The following TNNT2 variants were observed in gnomAD, a reference collection of about 807,000 sequenced individuals.
TNNT2 encodes troponin T, cardiac muscle.
TNNT2 carries 34 observed loss-of-function variants against 62.4 expected under a neutral mutation model. The ratio of observed to expected loss-of-function variants is 0.54; its 90% CI spans 0.41 to 0.72. The LOEUF is 0.72. TNNT2 is among the 30% of genes least tolerant of loss of function. The probability of loss-of-function intolerance (pLI) is 0.00; values close to 1 mark genes in which losing one functional copy is unlikely to be tolerated. For missense variants in TNNT2, 275 were observed against 381.9 expected (o/e 0.72, Z 2.33); for synonymous variants, 123 against 127.2 (o/e 0.97, Z 0.22).
chr1:201,376,169 G>A (rs1425666287), intron 1 of TNNT2, among the ~76,000 whole-genome samples: 1 of 152,166 alleles, frequency 6.6e-6, no homozygotes, highest in Non-Finnish European at 1.5e-5. Context: ...TGCATTCATA[G>A]CCAACACGTG....
intron 8 of TNNT2, chr1:201,366,003 G>C: frequency 8.2e-7 from 1 of 1,214,506 alleles, no homozygotes; most frequent in Non-Finnish European, 1.0e-6. Context: ...AAGAAGCTGT[G>C]ACAAGATGCC....
intron 9 of TNNT2, 115 bp from the exon 10 acceptor site, chr1:201,365,422 C>T: frequency 8.2e-7 from 1 of 1,217,294 alleles, no homozygotes; most frequent in Non-Finnish European, 1.2e-6. Flanking sequence ...GGCCTGGCGC[C>T]TGGCCAGGGA....
rs1486862820 is a variant in TNNT2, at chr1:201,363,339, T to G, written c.557A>C (p.Lys186Thr). 5 of 1,614,180 alleles carry G rather than the reference T, an allele frequency of 3.1e-6. No individual in the cohort carries two copies. Among genetic ancestry groups the G allele is most frequent in the African/African-American group, 1.3e-5 (1 of 75,050 alleles). ...RKAEDEARKKKALSNMMHFGG... is the reference protein window; with the variant it reads ...RKAEDEARKKTALSNMMHFGG... ...AAAATGCATCATGTTGGACAAAGCCTTCTTCTTCCGGGCCTCATCCTCAGC... is the reference window on the plus strand; with the variant it reads ...AAAATGCATCATGTTGGACAAAGCCGTCTTCTTCCGGGCCTCATCCTCAGC... Residue 186 changes from lysine to threonine, a missense_variant, in exon 12 of 17, where the codon AAG (lysine) becomes ACG (threonine). Lys to Thr is a moderately conservative substitution (Grantham distance 78). Transcript: ENST00000656932.
chr1:201,368,551 A>G, intron 5 of TNNT2: 1 of 480,544 alleles, frequency 2.1e-6, no homozygotes, highest in South Asian at 1.6e-5. Context: ...AGGTGTCCAG[A>G]AGCTCCTGTC....
chr1:201,367,480 C>G (rs1368737307), intron 7 of TNNT2: 4 of 569,210 alleles, frequency 7.0e-6, no homozygotes, highest in Non-Finnish European at 1.3e-5. Flanking sequence ...GCTCTAGGAG[C>G]TTCATGTGTG....
chr1:201,366,775 C>G, intron 8 of TNNT2, 63 bp downstream of exon 8: 22 of 1,613,538 alleles, frequency 1.4e-5, no homozygotes, highest in Non-Finnish European at 1.8e-5. Context: ...GCACCCCGTT[C>G]CATCATCATC....
chr1:201,368,341 T>C (rs753838494), intron 5 of TNNT2, 114 bp from the exon 6 acceptor site: 2 of 1,116,034 alleles, frequency 1.8e-6, no homozygotes, highest in African/African-American at 1.5e-5. Context: ...GACGTCTAGG[T>C]CCAGATGAAT....
At chr1:201,375,461 C>T (rs1165420725) in intron 1 of TNNT2, 1 of 152,160 alleles carries the variant, frequency 6.6e-6, no homozygotes, top group Non-Finnish European at 1.5e-5. Context: ...CCCCAACCCC[C>T]AGGGTGGGGT....
rs1214330124 is a variant in TNNT2 at position 201,362,494 on chromosome 1, G to A, written c.601-100C>T. The A allele has an allele frequency of 2.7e-6, 4 of 1,456,906 alleles. No homozygotes were observed. The Admixed American group carries it at 5.7e-5, about 21-fold the overall frequency. The allele number at this position is 1,456,906 out of a possible 1,614,324, so 90.2% of individuals were successfully genotyped here. On this transcript the variant is annotated intron_variant, in intron 12 of 16. Coordinates refer to ENST00000656932, the MANE Select transcript of TNNT2 (RefSeq NM_001276345.2). ...GGAAGACAAAGGCAAGGAGAGACAT[G>A]GAAGAGAAGATTCAGATACTCGCTG...
At chr1:201,359,536 G>A in intron 16 of TNNT2, 87 bp downstream of exon 16, 1 of 1,341,870 alleles carries the variant, frequency 7.5e-7, no homozygotes, top group Non-Finnish European at 1.0e-6. Context: ...GGGAGCCTGG[G>A]GCCCTCCAAG....
chr1:201,372,087 G>A (rs1287638526), intron 3 of TNNT2, 46 bp from the exon 4 acceptor site: 2 of 1,613,952 alleles, frequency 1.2e-6, no homozygotes, highest in African/African-American at 1.3e-5. Context: ...GAGAAGAGGT[G>A]GGTCAGTTTC....
At chr1:201,366,235 G>GA (rs1174035994) in intron 8 of TNNT2, 2 of 1,027,274 alleles carry the variant, frequency 1.9e-6, no homozygotes, top group Non-Finnish European at 2.3e-6. Flanking sequence ...ATGGATCTGG[G>GA]ATGTCTTGGG....
rs12031426 is a variant in TNNT2, at chr1:201,376,177, G to A, written c.-15+1446C>T. On this transcript the variant is annotated intron_variant, in intron 1 of 16. Transcript: ENST00000656932. The stretch of plus-strand genomic sequence containing the variant: ...AGCCTAATGCATTCATAGCCAACAC[G>A]TGTTGGAAGCCTAACACGTTCACAG... Among the ~76,000 whole-genome samples the A allele has an allele frequency of 5.3e-5, 8 of 152,312 alleles. No individual in the cohort carries two copies. The East Asian group carries it at 1.3e-3, about 26-fold the overall frequency.
chr1:201,362,266 T>A, intron 13 of TNNT2, 120 bp downstream of exon 13: 1 of 1,507,352 alleles, frequency 6.6e-7, no homozygotes, highest in Middle Eastern at 2.2e-4. Flanking sequence ...TCTCACCAGC[T>A]TCCCCCCTCC....
intron 6 of TNNT2, 105 bp downstream of exon 6, chr1:201,368,057 T>C (rs1299758326): frequency 8.4e-7 from 1 of 1,188,480 alleles, no homozygotes; most frequent in African/African-American, 1.5e-5. Flanking sequence ...GAGAGTCAGG[T>C]GCACATGGGA....
Position 201,361,894 on chromosome 1 carries a change from C to A in TNNT2, c.719+19G>T. The A allele has an allele frequency of 6.2e-7, 1 of 1,610,644 alleles. No individual in the cohort carries two copies. The highest frequency in any genetic ancestry group is 1.3e-5 in the African/African-American group (1 of 74,972). On this transcript the variant is annotated intron_variant, in intron 14 of 16. Transcript: ENST00000656932. ...GCAGATGCGGGCAGTGCCCCAGGAC[C>A]ATTCCTCCCAGCCCCCACCTCAGCT...
In TNNT2 at chr1:201,361,353, G is replaced by A. The variant is rs786204407; in HGVS notation, c.736C>T (p.Leu246=). Residue 246 remains leucine, a synonymous_variant, in exon 15 of 17, where the codon CTG becomes TTG. Coordinates refer to ENST00000656932, the MANE Select transcript of TNNT2 (RefSeq NM_001276345.2). ...TCCAAGTTATAGATGCTCTGCCACA[G>A]CTCCTTGGCCTTCTCCCTGCACGGG... The part of the protein sequence containing the change: ...EDQLREKAKE[L]WQSIYNLEAE... 6.2e-7 allele frequency: 1 copy of A among 1,614,050 alleles called. No homozygotes were observed.
In TNNT2 at chr1:201,363,562, A is replaced by G; in HGVS notation, c.490-156T>C. ...GTAGCTCCCAGCACAGTGCTGGCCC[A>G]CAGGAGTCCACTGACTGAGAAATGA... On this transcript the variant is annotated intron_variant, in intron 11 of 16. Coordinates refer to ENST00000656932, the MANE Select transcript of TNNT2 (RefSeq NM_001276345.2). The G allele has an allele frequency of 2.1e-5, 14 of 666,624 alleles. 1 individual carries two copies. The South Asian group carries it at 2.2e-4, about 11-fold the overall frequency. The allele number at this position is 666,624 out of a possible 1,614,324, so 41.3% of individuals were successfully genotyped here.
rs1658716024 is a variant in TNNT2 at position 201,361,909 on chromosome 1, C to G, written c.719+4G>C. The G allele has an allele frequency of 6.2e-7, 1 of 1,613,540 alleles. No homozygotes were observed. The highest frequency in any genetic ancestry group is 2.2e-5 in the East Asian group (1 of 44,870). On this transcript the variant is annotated splice_donor_region_variant and intron_variant, in intron 14 of 16. Coordinates refer to ENST00000656932, the MANE Select transcript of TNNT2 (RefSeq NM_001276345.2). ...GCCCCAGGACCATTCCTCCCAGCCC[C>G]CACCTCAGCTGATCTTCATTCAGGT...
Sources: gnomAD v4.1 joint callset for allele counts (sites outside exome capture counted in the v4.1 genomes callset) on GRCh38, gnomAD v4.1.1 for gene constraint, MANE v1.5 for transcripts, NCBI Gene and HGNC (gene_info 2026-07-23, HGNC 2026-07-21) for gene names.